The following CCDC102B variants were observed in gnomAD, a reference collection of about 807,000 sequenced individuals.
CCDC102B encodes the protein coiled-coil domain containing 102B.
Under a neutral mutation model 57.4 loss-of-function variants are expected in CCDC102B, and 75 were observed. The observed-to-expected ratio is 1.31, with a 90% CI of 1.08 to 1.58. CCDC102B has a LOEUF of 1.58. CCDC102B is among the 40% of genes most tolerant of loss of function. The pLI, the probability that CCDC102B is intolerant of heterozygous loss-of-function variation, is 0.00. For synonymous variants in CCDC102B, 206 were observed against 201.9 expected (o/e 1.02, Z -0.17); for missense variants, 636 against 582.6 (o/e 1.09, Z -0.94).
intron 4 of CCDC102B, among the ~76,000 whole-genome samples, chr18:68,862,212 T>C (rs2038791691): frequency 6.6e-6 from 1 of 152,228 alleles, no homozygotes; most frequent in Non-Finnish European, 1.5e-5. Context: ...ATTGACCATG[T>C]GATATCCTTT....
At chr18:68,926,434 T>G (rs1352705110) in intron 6 of CCDC102B, among the ~76,000 whole-genome samples, 1 of 151,822 alleles carries the variant, frequency 6.6e-6, no homozygotes, top group Non-Finnish European at 1.5e-5. Flanking sequence ...GAGTTGAAAT[T>G]TTCTATTATC....
At chr18:69,031,381 C>T (rs2052139664) in intron 7 of CCDC102B, among the ~76,000 whole-genome samples, 1 of 151,058 alleles carries the variant, frequency 6.6e-6, no homozygotes. Context: ...TTTCTTTTTA[C>T]ATAATTTGTA....
chr18:68,800,512 T>C (rs374409278), intron 1 of CCDC102B, among the ~76,000 whole-genome samples: 6 of 152,324 alleles, frequency 3.9e-5, no homozygotes, highest in East Asian at 1.9e-4. Flanking sequence ...TCAACACTTA[T>C]GCTTTTCTCT....
intron 7 of CCDC102B, among the ~76,000 whole-genome samples, chr18:69,036,316 A>G (rs982702947): frequency 6.6e-6 from 1 of 151,978 alleles, no homozygotes; most frequent in Non-Finnish European, 1.5e-5. Context: ...TCCTTGTTAT[A>G]TTATCCGTTT....
intron 1 of CCDC102B, among the ~76,000 whole-genome samples, chr18:68,834,159 G>C (rs2037263295): frequency 6.6e-6 from 1 of 152,032 alleles, no homozygotes. Flanking sequence ...TATTTAGTCA[G>C]ATGTGAAAAA....
chr18:69,033,731 T>G (rs1183607420), intron 7 of CCDC102B, among the ~76,000 whole-genome samples: 1 of 152,002 alleles, frequency 6.6e-6, no homozygotes, highest in Non-Finnish European at 1.5e-5. Flanking sequence ...GATTGTGAAA[T>G]CATATGGTAA....
At chr18:68,901,889 G>C (rs950989570) in intron 6 of CCDC102B, among the ~76,000 whole-genome samples, 4 of 152,006 alleles carry the variant, frequency 2.6e-5, no homozygotes, top group Non-Finnish European at 5.9e-5. Flanking sequence ...TAATATTTTT[G>C]GGAAGTTGAT....
intron 6 of CCDC102B, among the ~76,000 whole-genome samples, chr18:68,898,603 G>C (rs2040324351): frequency 6.6e-6 from 1 of 151,992 alleles, no homozygotes; most frequent in Admixed American, 6.6e-5. Context: ...TTTGATTATA[G>C]AAATACTTTT....
rs1018048965 is a variant in CCDC102B, at chr18:68,911,609, G to T, written c.1263+14181G>T. 9.4e-5 allele frequency among the ~76,000 whole-genome samples: 14 copies of T among 149,382 alleles called. No homozygotes were observed. The South Asian group carries it at 1.3e-3, about 14-fold the overall frequency. On this transcript the variant is annotated intron_variant, in intron 6 of 7. Coordinates refer to ENST00000360242, the MANE Select transcript of CCDC102B (RefSeq NM_024781.3). ...CTACTAAAAATACAAAAAATTAGCCGGGCGTGGTGGCGGGCGCCTGTAGTC... is the reference window on the plus strand; with the variant it reads ...CTACTAAAAATACAAAAAATTAGCCTGGCGTGGTGGCGGGCGCCTGTAGTC...
At chr18:69,057,772 A>G (rs1283364483), downstream of CCDC102B, among the ~76,000 whole-genome samples, 1 of 152,050 alleles carries the variant, frequency 6.6e-6, no homozygotes, top group Admixed American at 6.6e-5. Context: ...AGAAGACCTC[A>G]GTCCTCATAC....
chr18:68,763,728 A>C lies in CCDC102B; in HGVS notation c.-67+47134A>C, dbSNP rs1443459392. Among the ~76,000 whole-genome samples the C allele has an allele frequency of 3.0e-5, 4 of 133,740 alleles. No individual in the cohort carries two copies. The South Asian group carries it at 8.7e-4, about 29-fold the overall frequency. The allele number at this position is 133,740 out of a possible 152,430, so 87.7% of individuals were successfully genotyped here. ...AGACAAATATTCCTCAATACAGACA[A>C]ATATTCCTCAATACAGACAAATATT... On this transcript the variant is annotated intron_variant, in intron 2 of 3. Coordinates refer to the CCDC102B transcript ENST00000578970.
At chr18:68,939,666 A>T (rs941295220) in intron 6 of CCDC102B, among the ~76,000 whole-genome samples, 3 of 151,874 alleles carry the variant, frequency 2.0e-5, no homozygotes, top group African/African-American at 7.2e-5. Flanking sequence ...ATGTCGCAGA[A>T]GGTTGCAATA....
rs113430160 is a variant in CCDC102B at position 69,054,182 on chromosome 18, C to T, written c.*45C>T. The T allele has an allele frequency of 6.7e-4, 1,031 of 1,538,988 alleles. 3 individuals carry two copies. The African/African-American group carries it at 8.3e-3, about 12-fold the overall frequency. On this transcript the variant is annotated 3_prime_UTR_variant, in exon 8 of 8. Coordinates refer to ENST00000360242, the MANE Select transcript of CCDC102B (RefSeq NM_024781.3). ...GAATTAAAGATTAGGGCCTTAAAGA[C>T]ATTTCCATATCCTTTTCTTAAATAT...
At chr18:68,983,418 G>A (rs2050644892) in intron 6 of CCDC102B, among the ~76,000 whole-genome samples, 1 of 151,800 alleles carries the variant, frequency 6.6e-6, no homozygotes, top group African/African-American at 2.4e-5. Flanking sequence ...CTGCAGGGAG[G>A]GTTTCCCTAC....
At position 68,867,778 on chromosome 18, in the gene CCDC102B, C is replaced by CAA. The variant is rs201082753; in HGVS notation, c.937-6886_937-6885dup. ...TGAAACCCCGTCTCTACTAAAAATA[C>CAA]AAAAAATTAGTCAGGAGTGGTGGCG... On this transcript the variant is annotated intron_variant, in intron 4 of 7. Coordinates refer to ENST00000360242, the MANE Select transcript of CCDC102B (RefSeq NM_024781.3). 1.3e-3 allele frequency among the ~76,000 whole-genome samples: 189 copies of CAA among 151,144 alleles called. 1 individual carries two copies. The highest frequency in any genetic ancestry group is 4.2e-3 in the African/African-American group (174 of 41,154).
At chr18:68,959,108 C>T (rs963316789) in intron 6 of CCDC102B, among the ~76,000 whole-genome samples, 3 of 152,046 alleles carry the variant, frequency 2.0e-5, no homozygotes, top group Admixed American at 1.3e-4. Context: ...TTGTAGTTTT[C>T]GCAGTCTGTA....
intron 7 of CCDC102B, among the ~76,000 whole-genome samples, chr18:69,036,126 C>A (rs573431963): frequency 6.6e-6 from 1 of 151,934 alleles, no homozygotes; most frequent in Non-Finnish European, 1.5e-5. Context: ...GTTTTATATA[C>A]CAATAAAAAG....
intron 7 of CCDC102B, among the ~76,000 whole-genome samples, chr18:69,051,740 AT>A (rs1453826018): frequency 6.6e-6 from 1 of 152,012 alleles, no homozygotes; most frequent in Non-Finnish European, 1.5e-5. Context: ...TATATACAGA[AT>A]TTTGACATAT....
At chr18:68,776,349 A>G (rs1205026098) in intron 2 of CCDC102B, among the ~76,000 whole-genome samples, 1 of 152,214 alleles carries the variant, frequency 6.6e-6, no homozygotes, top group African/African-American at 2.4e-5. Flanking sequence ...TTTAAGATAT[A>G]AAGACACACG....
Sources: allele counts gnomAD v4.1 joint callset (sites outside exome capture counted in the v4.1 genomes callset), GRCh38; gene constraint gnomAD v4.1.1; transcripts MANE v1.5; gene names NCBI Gene and HGNC (gene_info 2026-07-23, HGNC 2026-07-21).